The following DNAH6 variants were observed in gnomAD, a reference collection of about 807,000 sequenced individuals.
DNAH6 encodes the protein axonemal beta dynein heavy chain 6.
In DNAH6, 340 loss-of-function variants were observed where a neutral mutation model predicts 491.4. The ratio of observed to expected loss-of-function variants is 0.69; its 90% CI spans 0.63 to 0.76. The LOEUF is 0.76. Among genes scored for constraint, DNAH6 ranks in the 30% least tolerant of loss-of-function variants. The probability of loss-of-function intolerance (pLI) is 0.00; values close to 1 mark genes in which losing one functional copy is unlikely to be tolerated. For missense variants in DNAH6, 4,443 were observed against 4,972.2 expected (o/e 0.89, Z 3.20); for synonymous variants, 1,603 against 1,686.1 (o/e 0.95, Z 1.21).
At chr2:84,519,186 T>C (rs918070558) in intron 2 of DNAH6, among the ~76,000 whole-genome samples, 5 of 152,008 alleles carry the variant, frequency 3.3e-5, no homozygotes, top group African/African-American at 4.8e-5. Context: ...CTGACAGATA[T>C]CTGCAATTTA....
chr2:84,674,152 C>T (rs1693006508), intron 40 of DNAH6, among the ~76,000 whole-genome samples: 5 of 152,228 alleles, frequency 3.3e-5, no homozygotes, highest in Non-Finnish European at 5.9e-5. Flanking sequence ...TTCCCACCTA[C>T]TAGCACCCAA....
chr2:84,654,554 G>C, intron 34 of DNAH6, 106 bp from the exon 35 acceptor site: 1 of 1,417,670 alleles, frequency 7.1e-7, no homozygotes, highest in South Asian at 1.4e-5. Context: ...CTTCAGTGTT[G>C]TTAGACTTTA....
intron 21 of DNAH6, among the ~76,000 whole-genome samples, chr2:84,610,396 C>G (rs761695439): frequency 1.3e-5 from 2 of 152,148 alleles, no homozygotes; most frequent in African/African-American, 2.4e-5. Flanking sequence ...CACCCACACT[C>G]AAGGGGAGAG....
At chr2:84,471,875 C>A in the DNAH6 span, among the ~76,000 whole-genome samples, 3 of 152,302 alleles carry the variant, frequency 2.0e-5, no homozygotes, top group East Asian at 5.8e-4. Flanking sequence ...CTTCTCAAAC[C>A]TTCAATTCAC....
intron 40 of DNAH6, among the ~76,000 whole-genome samples, chr2:84,675,084 C>G (rs1918695): frequency 0.65 from 98,305 of 152,102 alleles, 33,413 homozygotes; most frequent in East Asian, 0.8. Context: ...AGGCCCATCT[C>G]CAAATAGCCT....
intron 59 of DNAH6, among the ~76,000 whole-genome samples, chr2:84,721,518 A>C (rs1558959616): frequency 6.6e-6 from 1 of 152,194 alleles, no homozygotes; most frequent in Non-Finnish European, 1.5e-5. Flanking sequence ...GAGCACTTCA[A>C]ATATGGCTAG....
At chr2:84,583,621 C>A (rs1275262081) in intron 14 of DNAH6, among the ~76,000 whole-genome samples, 2 of 152,140 alleles carry the variant, frequency 1.3e-5, no homozygotes, top group East Asian at 1.9e-4. Context: ...AAGATGGGGC[C>A]AGGTGGAGAT....
intron 37 of DNAH6, among the ~76,000 whole-genome samples, chr2:84,667,103 TG>T (rs1692208299): frequency 6.6e-6 from 1 of 152,196 alleles, no homozygotes; most frequent in South Asian, 2.1e-4. Context: ...AATTTCAAGA[TG>T]GATTAAAGAC....
intron 74 of DNAH6, 82 bp downstream of exon 74, chr2:84,813,212 A>T: frequency 3.1e-6 from 3 of 953,514 alleles, no homozygotes; most frequent in Non-Finnish European, 4.9e-6. Context: ...GGGAAATGAC[A>T]TGGCTGCTAA....
At chr2:84,473,817 T>A in the DNAH6 span, among the ~76,000 whole-genome samples, 1 of 152,322 alleles carries the variant, frequency 6.6e-6, no homozygotes, top group East Asian at 1.9e-4. Flanking sequence ...AACCCTGTCA[T>A]ATCTACAGCC....
chr2:84,767,916 G>A (rs1398847729), intron 64 of DNAH6, among the ~76,000 whole-genome samples: 1 of 152,102 alleles, frequency 6.6e-6, no homozygotes, highest in Non-Finnish European at 1.5e-5. Flanking sequence ...TAATTTCAAA[G>A]ATGCAACAAA....
At chr2:84,737,826 T>G (rs1699645149) in intron 62 of DNAH6, among the ~76,000 whole-genome samples, 1 of 152,116 alleles carries the variant, frequency 6.6e-6, no homozygotes, top group African/African-American at 2.4e-5. Context: ...GTCTCAATTT[T>G]GTTCATTTCT....
At chr2:84,516,068 A>T (rs889258091), upstream of DNAH6, among the ~76,000 whole-genome samples, 3 of 152,212 alleles carry the variant, frequency 2.0e-5, no homozygotes, top group Middle Eastern at 3.4e-3. Flanking sequence ...GTGGGACCTC[A>T]TTTGTCTACA....
chr2:84,744,816 T>A (rs1478010532), intron 62 of DNAH6, among the ~76,000 whole-genome samples: 1 of 152,210 alleles, frequency 6.6e-6, no homozygotes, highest in Non-Finnish European at 1.5e-5. Flanking sequence ...CTTAAGTATC[T>A]CTATGCATCC....
At chr2:84,791,167 G>A (rs1296638581) in intron 68 of DNAH6, among the ~76,000 whole-genome samples, 1 of 149,010 alleles carries the variant, frequency 6.7e-6, no homozygotes, top group Non-Finnish European at 1.5e-5. Flanking sequence ...TCCAGCCTGG[G>A]CGAGAGAGTA....
chr2:84,738,585 TC>T (rs1672224374), intron 62 of DNAH6, among the ~76,000 whole-genome samples: 1 of 152,150 alleles, frequency 6.6e-6, no homozygotes, highest in Non-Finnish European at 1.5e-5. Flanking sequence ...GAGCCCCTTA[TC>T]ATTATTTAAT....
At chr2:84,588,761 T>C (rs941925011) in intron 15 of DNAH6, 65 bp from the exon 16 acceptor site, 4 of 1,311,028 alleles carry the variant, frequency 3.1e-6, no homozygotes, top group Non-Finnish European at 4.1e-6. Context: ...TATTAATTCA[T>C]TTAATTTAAT....
intron 47 of DNAH6, among the ~76,000 whole-genome samples, chr2:84,698,270 C>T (rs1695575234): frequency 6.6e-6 from 1 of 152,236 alleles, no homozygotes; most frequent in Admixed American, 6.5e-5. Context: ...TTTCTTATAT[C>T]TTTACTGTTT....
At chr2:84,483,747 G>A in the DNAH6 span, among the ~76,000 whole-genome samples, 140 of 152,250 alleles carry the variant, frequency 9.2e-4, 1 homozygote, top group African/African-American at 3.1e-3. Flanking sequence ...ATGCCTAATG[G>A]TGACATTTCC....
Sources: allele counts gnomAD v4.1 joint callset (sites outside exome capture counted in the v4.1 genomes callset), GRCh38; gene constraint gnomAD v4.1.1; transcripts MANE v1.5; gene names NCBI Gene and HGNC (gene_info 2026-07-23, HGNC 2026-07-21).